ATF7: variants seen among roughly 807,000 people sequenced by gnomAD.
ATF7 encodes cyclic AMP-dependent transcription factor ATF-7.
A neutral mutation model predicts 50.4 loss-of-function variants in ATF7; 10 were observed. The observed-to-expected ratio is 0.20, with a 90% CI of 0.12 to 0.34. The LOEUF is 0.34. Among genes scored for constraint, ATF7 ranks in the 10% least tolerant of loss-of-function variants. The probability of loss-of-function intolerance (pLI) is 1.00; values close to 1 mark genes in which losing one functional copy is unlikely to be tolerated. For synonymous variants in ATF7, 201 were observed against 226.4 expected (o/e 0.89, Z 1.01); for missense variants, 465 against 613.9 (o/e 0.76, Z 2.56).
In ATF7 at chr12:53,519,851, A is replaced by C. The variant is rs542014743; in HGVS notation, c.1235-2497T>G. On this transcript the variant is annotated intron_variant, in intron 11 of 11. Coordinates refer to ENST00000420353, the MANE Select transcript of ATF7 (RefSeq NM_006856.3). ...AATCTCTGCCTCCTGGGTTCAAGCG[A>C]TTCTCCTGCCTCAGCTTCCCAACTA... 3.3e-5 allele frequency among the ~76,000 whole-genome samples: 5 copies of C among 152,074 alleles called. No individual in the cohort carries two copies. In the South Asian group the frequency reaches 1.0e-3, roughly 32 times the overall value.
intron 1 of ATF7, among the ~76,000 whole-genome samples, chr12:53,623,861 GAGGAA>G (rs1944496784): frequency 6.6e-6 from 1 of 152,224 alleles, no homozygotes; most frequent in Non-Finnish European, 1.5e-5. Flanking sequence ...GGTTGGAAAT[GAGGAA>G]AGGAAAGAGA....
chr12:53,537,297 G>C (rs1939280339), intron 5 of ATF7, 118 bp downstream of exon 5: 3 of 1,281,992 alleles, frequency 2.3e-6, no homozygotes, highest in Admixed American at 2.6e-5. Context: ...TTGAATTTCT[G>C]GGCTCAAGTG....
At position 53,586,801 on chromosome 12, in the gene ATF7, A is replaced by C. The variant is rs557370330; in HGVS notation, c.48+14152T>G. Among the ~76,000 whole-genome samples, 160 of 152,254 alleles carry C rather than the reference A, an allele frequency of 1.1e-3. 1 individual carries two copies. Among genetic ancestry groups the C allele is most frequent in the African/African-American group, 3.7e-3 (153 of 41,554 alleles). ...CACTCTCTCACACACACACAAATACACACACACACGCACACACGTGCACGC... is the reference window on the plus strand; with the variant it reads ...CACTCTCTCACACACACACAAATACCCACACACACGCACACACGTGCACGC... On this transcript the variant is annotated intron_variant, in intron 2 of 11. Coordinates refer to ENST00000420353, the MANE Select transcript of ATF7 (RefSeq NM_006856.3).
At chr12:53,577,070 AAATGAAG>A (rs1238371423) in intron 2 of ATF7, among the ~76,000 whole-genome samples, 1 of 152,084 alleles carries the variant, frequency 6.6e-6, no homozygotes, top group Non-Finnish European at 1.5e-5. Context: ...AACAAAAAAG[AAATGAAG>A]AATGCCTATG....
chr12:53,546,900 G>C (rs1939958702), intron 3 of ATF7, among the ~76,000 whole-genome samples: 1 of 151,786 alleles, frequency 6.6e-6, no homozygotes, highest in Admixed American at 6.6e-5. Context: ...TGGGACCACA[G>C]GTGTGCGCCA....
intron 11 of ATF7, among the ~76,000 whole-genome samples, chr12:53,520,378 ACCAGCCTGG>A (rs1938043065): frequency 1.3e-5 from 2 of 152,174 alleles, no homozygotes; most frequent in Middle Eastern, 3.4e-3. Context: ...GGAGTCTGAG[ACCAGCCTGG>A]CCAATATGGC....
At chr12:53,569,880 T>C (rs1436904079) in intron 2 of ATF7, among the ~76,000 whole-genome samples, 2 of 152,318 alleles carry the variant, frequency 1.3e-5, no homozygotes, top group South Asian at 2.1e-4. Flanking sequence ...GGTTTCACCA[T>C]ATTGGCCAGG....
At chr12:53,531,646 C>T in intron 9 of ATF7, 98 bp downstream of exon 9, 5 of 1,327,744 alleles carry the variant, frequency 3.8e-6, no homozygotes, top group Non-Finnish European at 5.0e-6. Context: ...ACCCAGAAAG[C>T]TGAAGTCCAT....
intron 1 of ATF7, among the ~76,000 whole-genome samples, chr12:53,615,741 AG>A (rs930226885): frequency 6.6e-6 from 1 of 151,192 alleles, no homozygotes; most frequent in African/African-American, 2.4e-5. Flanking sequence ...ATCGGAAGTG[AG>A]GGGGTGTGCG....
intron 2 of ATF7, among the ~76,000 whole-genome samples, chr12:53,581,519 G>C (rs185092740): frequency 2.8e-4 from 43 of 152,198 alleles, no homozygotes. Context: ...AATTAAAGTA[G>C]AAATCAGTGA....
At chr12:53,528,472 C>A (rs1446098240) in intron 9 of ATF7, among the ~76,000 whole-genome samples, 1 of 151,448 alleles carries the variant, frequency 6.6e-6, no homozygotes, top group Non-Finnish European at 1.5e-5. Context: ...TACTAAAATA[C>A]AAAAAATTGG....
intron 1 of ATF7, among the ~76,000 whole-genome samples, chr12:53,621,991 T>C (rs1944401227): frequency 6.6e-6 from 1 of 152,010 alleles, no homozygotes. Context: ...TGATCTTTTA[T>C]TTAAAATGTC....
chr12:53,570,736 C>CGTGTGTGTGT (rs57842916), intron 2 of ATF7, among the ~76,000 whole-genome samples: 1 of 143,578 alleles, frequency 7.0e-6, no homozygotes, highest in African/African-American at 2.6e-5. Context: ...CTCCTGTGTG[C>CGTGTGTGTGT]GTGTGTGTGT....
At chr12:53,510,639 G>A (rs577063658), downstream of ATF7, among the ~76,000 whole-genome samples, 8 of 152,294 alleles carry the variant, frequency 5.3e-5, no homozygotes, top group South Asian at 1.2e-3. Flanking sequence ...ACCATTCCAC[G>A]TAGCATAGGG....
At chr12:53,570,834 A>G (rs1592897419) in intron 2 of ATF7, among the ~76,000 whole-genome samples, 2 of 151,602 alleles carry the variant, frequency 1.3e-5, no homozygotes, top group South Asian at 4.2e-4. Context: ...GGCCCACCTT[A>G]CTTCAGTATG....
At chr12:53,592,672 G>GA (rs898746612) in intron 2 of ATF7, among the ~76,000 whole-genome samples, 8 of 151,470 alleles carry the variant, frequency 5.3e-5, no homozygotes, top group East Asian at 1.9e-4. Context: ...AGCAAACAAA[G>GA]AAAAAAAACC....
At chr12:53,583,146 G>A (rs555054128) in intron 2 of ATF7, among the ~76,000 whole-genome samples, 1 of 152,180 alleles carries the variant, frequency 6.6e-6, no homozygotes, top group Non-Finnish European at 1.5e-5. Flanking sequence ...ATAATATAGG[G>A]GAACACCTAC....
In ATF7 at chr12:53,524,677, A is replaced by G; in HGVS notation, c.1012T>C (p.Phe338Leu). The G allele has an allele frequency of 6.2e-7, 1 of 1,613,620 alleles. No individual in the cohort carries two copies. Among genetic ancestry groups the G allele is most frequent in the Non-Finnish European group, 8.5e-7 (1 of 1,179,884 alleles). ...DEDPDERRQRFLERNRAAASR... is the reference protein window; with the variant it reads ...DEDPDERRQRLLERNRAAASR... ...GCTGCAGCCCGGTTGCGCTCCAGAA[A>G]GCGCTGCCGTCGCTCATCTGGATCT... Residue 338 changes from phenylalanine (F) to leucine (L), a missense_variant, in exon 10 of 12, where the codon TTT (phenylalanine) becomes CTT (leucine). Coordinates refer to ENST00000420353, the MANE Select transcript of ATF7 (RefSeq NM_006856.3). The surrounding 1 kb of genome is among the most constrained non-coding windows in gnomAD (Gnocchi z 4.6).
In ATF7 at chr12:53,516,163, T is replaced by C. The variant is rs997481145; in HGVS notation, c.*974A>G. ...ATATGCTTTGGCCGGTAAACTCTTATAAAACATAAAGGAATCGATTAATCC... is the reference window on the plus strand; with the variant it reads ...ATATGCTTTGGCCGGTAAACTCTTACAAAACATAAAGGAATCGATTAATCC... On this transcript the variant is annotated 3_prime_UTR_variant, in exon 12 of 12. Transcript: ENST00000420353. 1 of 152,162 alleles carries C rather than the reference T, an allele frequency of 6.6e-6. No homozygotes were observed. Among genetic ancestry groups the C allele is most frequent in the Non-Finnish European group, 1.5e-5 (1 of 68,038 alleles). The allele number at this position is 152,162 out of a possible 1,614,324, so 9.4% of individuals were successfully genotyped here. A position where few individuals can be genotyped will look rare whatever the true frequency, so the allele number is the denominator to read the frequency against.
Sources: gnomAD v4.1 joint callset for allele counts (sites outside exome capture counted in the v4.1 genomes callset) on GRCh38, gnomAD v4.1.1 for gene constraint, Gnocchi (gnomAD v3.1) non-coding constraint, MANE v1.5 for transcripts, NCBI Gene and HGNC (gene_info 2026-07-23, HGNC 2026-07-21) for gene names.